CFAP61: variants seen among roughly 807,000 people sequenced by gnomAD.
CFAP61 encodes cilia and flagella associated protein 61.
In CFAP61, 107 loss-of-function variants were observed where a neutral mutation model predicts 135.6. The ratio of observed to expected loss-of-function variants is 0.79; its 90% CI spans 0.67 to 0.93. CFAP61 has a LOEUF of 0.93. Ranked by LOEUF, CFAP61 falls within the 40% of genes least tolerant of loss-of-function variation. The probability of loss-of-function intolerance (pLI) is 0.00; values close to 1 mark genes in which losing one functional copy is unlikely to be tolerated. For missense variants in CFAP61, 1,507 were observed against 1,556.2 expected (o/e 0.97, Z 0.53); for synonymous variants, 575 against 578.5 (o/e 0.99, Z 0.09).
At chr20:20,058,966 A>G (rs1482573188) in intron 2 of CFAP61, among the ~76,000 whole-genome samples, 2 of 152,236 alleles carry the variant, frequency 1.3e-5, no homozygotes, top group Non-Finnish European at 2.9e-5. Flanking sequence ...GACTTCAGAT[A>G]TAAAATTAAA....
At chr20:20,327,609 T>C (rs2057799159) in intron 25 of CFAP61, among the ~76,000 whole-genome samples, 1 of 152,016 alleles carries the variant, frequency 6.6e-6, no homozygotes, top group Non-Finnish European at 1.5e-5. Flanking sequence ...TGGACTGCCA[T>C]TACCTTCAGC....
intron 20 of CFAP61, among the ~76,000 whole-genome samples, chr20:20,259,026 A>C (rs2051916819): frequency 6.6e-6 from 1 of 151,908 alleles, no homozygotes. Context: ...GCTTCCCTTT[A>C]TCTCTCATTG....
At chr20:20,073,358 A>C (rs527820106) in intron 3 of CFAP61, among the ~76,000 whole-genome samples, 74 of 152,336 alleles carry the variant, frequency 4.9e-4, no homozygotes, top group South Asian at 2.1e-4. Flanking sequence ...TTGCGCTTTT[A>C]GTCACCGTAC....
intron 17 of CFAP61, among the ~76,000 whole-genome samples, chr20:20,213,513 G>T (rs1802333314): frequency 6.7e-6 from 1 of 149,498 alleles, no homozygotes; most frequent in Non-Finnish European, 1.5e-5. Flanking sequence ...GGCCTCCCAG[G>T]AATTCCCAGG....
At chr20:20,271,509 G>A (rs564577582) in intron 21 of CFAP61, among the ~76,000 whole-genome samples, 34 of 152,252 alleles carry the variant, frequency 2.2e-4, no homozygotes, top group African/African-American at 8.2e-4. Context: ...TGTTTCAAAG[G>A]CTGCCACTGG....
chr20:20,096,179 A>C (rs1161144140), intron 7 of CFAP61, among the ~76,000 whole-genome samples: 1 of 152,216 alleles, frequency 6.6e-6, no homozygotes, highest in East Asian at 1.9e-4. Flanking sequence ...TGCATACACA[A>C]GAATACATTT....
intron 21 of CFAP61, chr20:20,265,682 C>T (rs2052668771): frequency 3.5e-6 from 2 of 570,520 alleles, no homozygotes; most frequent in East Asian, 2.9e-5. Context: ...CAGGTAGGTG[C>T]TCTTAACACT....
Position 20,187,921 on chromosome 20 carries a change from C to A in CFAP61, c.1386-9C>A. On this transcript the variant is annotated splice_polypyrimidine_tract_variant and intron_variant, in intron 13 of 26. Transcript: ENST00000245957. Reference sequence around the variant, plus strand: ...TTTAACTTAAAAATATATTCCTCTCCTTACCCAGGTCCATTAATATAAGAT... The same window carrying A: ...TTTAACTTAAAAATATATTCCTCTCATTACCCAGGTCCATTAATATAAGAT... The A allele has an allele frequency of 6.2e-7, 1 of 1,610,540 alleles. No individual in the cohort carries two copies. The highest frequency in any genetic ancestry group is 8.5e-7 in the Non-Finnish European group (1 of 1,176,894).
chr20:20,303,991 C>T (rs1413903237), intron 25 of CFAP61, among the ~76,000 whole-genome samples: 1 of 152,076 alleles, frequency 6.6e-6, no homozygotes. Flanking sequence ...GGTGGCAGCC[C>T]TGCGGGTCAG....
At chr20:20,294,061 T>C (rs2055201770) in intron 24 of CFAP61, among the ~76,000 whole-genome samples, 1 of 152,250 alleles carries the variant, frequency 6.6e-6, no homozygotes, top group South Asian at 2.1e-4. Context: ...ATCAAAATCT[T>C]AAATTTAATA....
chr20:20,159,503 T>G (rs2037390938), intron 10 of CFAP61, 59 bp downstream of exon 10: 3 of 1,419,474 alleles, frequency 2.1e-6, no homozygotes, highest in Admixed American at 1.7e-5. Context: ...TTCACACCTT[T>G]CTACCTCAGA....
At chr20:20,339,634 G>A (rs1318303266) in intron 25 of CFAP61, among the ~76,000 whole-genome samples, 2 of 151,884 alleles carry the variant, frequency 1.3e-5, no homozygotes, top group African/African-American at 2.4e-5. Context: ...CACCACACCT[G>A]GCTAATTTTT....
chr20:20,250,945 C>T (rs6132277), intron 19 of CFAP61, among the ~76,000 whole-genome samples: 1 of 152,036 alleles, frequency 6.6e-6, no homozygotes, highest in Non-Finnish European at 1.5e-5. Flanking sequence ...TGCTGGCGGT[C>T]GAAGTCTCCG....
At chr20:20,109,375 T>C (rs936397533) in intron 8 of CFAP61, among the ~76,000 whole-genome samples, 4 of 152,204 alleles carry the variant, frequency 2.6e-5, no homozygotes, top group Non-Finnish European at 4.4e-5. Context: ...TGCTTGGGGT[T>C]TCATCTTTGC....
chr20:20,237,149 T>C (rs2088311783), intron 18 of CFAP61, among the ~76,000 whole-genome samples: 1 of 152,210 alleles, frequency 6.6e-6, no homozygotes, highest in South Asian at 2.1e-4. Flanking sequence ...ATAAGTTTTT[T>C]ATCTGAGATC....
At chr20:20,279,852 ATC>A (rs2054057058) in intron 22 of CFAP61, among the ~76,000 whole-genome samples, 1 of 152,046 alleles carries the variant, frequency 6.6e-6, no homozygotes, top group Non-Finnish European at 1.5e-5. Flanking sequence ...TCTGATTTTC[ATC>A]TCTATTTGAA....
chr20:20,162,893 C>G lies in CFAP61; in HGVS notation c.1027-1157C>G, dbSNP rs374741631. On this transcript the variant is annotated intron_variant, in intron 10 of 26. Transcript: ENST00000245957. ...ACATTCATATTAGTGTAAATACTTA[C>G]GGATTTAACCCTGAATTGTGATGTA... Among the ~76,000 whole-genome samples the G allele has an allele frequency of 4.6e-5, 7 of 152,216 alleles. 1 individual carries two copies. Among genetic ancestry groups the G allele is most frequent in the African/African-American group, 1.4e-4 (6 of 41,528 alleles).
At chr20:20,140,022 T>G (rs926723) in intron 8 of CFAP61, among the ~76,000 whole-genome samples, 137,097 of 151,860 alleles carry the variant, frequency 0.9, 62,698 homozygotes, top group Middle Eastern at 0.99. Context: ...TCACAAGTTT[T>G]CTGCTGATCA....
chr20:20,299,037 GT>G (rs2055861549), intron 25 of CFAP61, among the ~76,000 whole-genome samples: 1 of 152,192 alleles, frequency 6.6e-6, no homozygotes, highest in Admixed American at 6.5e-5. Flanking sequence ...ACAAAGCAAG[GT>G]GATGCAGACC....
Sources: allele counts gnomAD v4.1 joint callset (sites outside exome capture counted in the v4.1 genomes callset), GRCh38; gene constraint gnomAD v4.1.1; transcripts MANE v1.5; gene names NCBI Gene and HGNC (gene_info 2026-07-23, HGNC 2026-07-21).